Variants in CDIN1 observed in about 807,000 individuals in gnomAD.
CDIN1 encodes the protein CDAN1-interacting nuclease 1.
Under a neutral mutation model 45.3 loss-of-function variants are expected in CDIN1, and 33 were observed. That is an observed-to-expected ratio of 0.73 (90% CI 0.55 to 0.97). CDIN1 has a LOEUF of 0.97. CDIN1 is among the 50% of genes least tolerant of loss of function. The pLI, the probability that CDIN1 is intolerant of heterozygous loss-of-function variation, is 0.00. For missense variants in CDIN1, 303 were observed against 339.4 expected (o/e 0.89, Z 0.84); for synonymous variants, 118 against 124.4 (o/e 0.95, Z 0.34).
At position 36,735,618 on chromosome 15, in the gene CDIN1, C is replaced by T. The variant is rs537840670; in HGVS notation, c.716+25657C>T. Among the ~76,000 whole-genome samples, 14 of 152,080 alleles carry T rather than the reference C, an allele frequency of 9.2e-5. No homozygotes were observed. In the East Asian group the frequency reaches 2.1e-3, roughly 23 times the overall value. On this transcript the variant is annotated intron_variant, in intron 10 of 10. Transcript: ENST00000566621. ...TTAAAAACTGTATATAGTCTTATTGCACTTTTAAAATTTAAAGTTGATCTT... is the reference window on the plus strand; with the variant it reads ...TTAAAAACTGTATATAGTCTTATTGTACTTTTAAAATTTAAAGTTGATCTT...
In CDIN1 at chr15:36,614,091, C is replaced by T. The variant is rs749261760; in HGVS notation, c.102-30187C>T. The stretch of plus-strand genomic sequence containing the variant: ...ACCTGTGCTGAGTTTGCTGAGAGAT[C>T]GGTAGCCAAGCTGGAAATGACTTGG... On this transcript the variant is annotated intron_variant, in intron 1 of 10. Coordinates refer to ENST00000566621, the MANE Select transcript of CDIN1 (RefSeq NM_001321759.2). 4 of 839,244 alleles carry T rather than the reference C, an allele frequency of 4.8e-6. No individual in the cohort carries two copies. In the African/African-American group the frequency reaches 5.0e-5, roughly 10 times the overall value. The allele number at this position is 839,244 out of a possible 1,614,324, so 52.0% of individuals were successfully genotyped here. A position where few individuals can be genotyped will look rare whatever the true frequency, so the allele number is the denominator to read the frequency against.
Position 36,810,124 on chromosome 15 carries a change from A to C in CDIN1, c.*1671A>C. On this transcript the variant is annotated 3_prime_UTR_variant, in exon 11 of 11. Coordinates refer to ENST00000566621, the MANE Select transcript of CDIN1 (RefSeq NM_001321759.2). ...TCTAAACTGTTTTTTCTTTAGGAATAAATTACATTTATCTGCACAGATGTT... is the reference window on the plus strand; with the variant it reads ...TCTAAACTGTTTTTTCTTTAGGAATCAATTACATTTATCTGCACAGATGTT... 6.6e-6 allele frequency: 1 copy of C among 152,224 alleles called. No individual in the cohort carries two copies. The highest frequency in any genetic ancestry group is 1.5e-5 in the Non-Finnish European group (1 of 68,042). The allele number at this position is 152,224 out of a possible 1,614,324, so 9.4% of individuals were successfully genotyped here. A position where few individuals can be genotyped will look rare whatever the true frequency, so the allele number is the denominator to read the frequency against.
intron 5 of CDIN1, among the ~76,000 whole-genome samples, chr15:36,673,436 A>T (rs535286694): frequency 6.6e-6 from 1 of 152,132 alleles, no homozygotes; most frequent in South Asian, 2.1e-4. Context: ...TTAATAAACA[A>T]ATTTGCTCAG....
intron 7 of CDIN1, among the ~76,000 whole-genome samples, chr15:36,696,127 G>A (rs2042416495): frequency 6.6e-6 from 1 of 152,084 alleles, no homozygotes; most frequent in Non-Finnish European, 1.5e-5. Context: ...AATAAGGATT[G>A]TAATTATGAG....
chr15:36,603,525 G>C (rs2038212654), intron 1 of CDIN1, among the ~76,000 whole-genome samples: 2 of 152,174 alleles, frequency 1.3e-5, no homozygotes, highest in South Asian at 2.1e-4. Context: ...TGGTGGTAGT[G>C]ATGGAGGGGG....
At chr15:36,664,506 G>C (rs754486827) in intron 5 of CDIN1, among the ~76,000 whole-genome samples, 5 of 152,136 alleles carry the variant, frequency 3.3e-5, no homozygotes, top group Non-Finnish European at 7.4e-5. Flanking sequence ...GCTCATTCTA[G>C]AGGGTAATGC....
At chr15:36,606,691 T>C (rs992793096) in intron 1 of CDIN1, among the ~76,000 whole-genome samples, 2 of 152,214 alleles carry the variant, frequency 1.3e-5, no homozygotes, top group African/African-American at 4.8e-5. Context: ...TTTCAATTCC[T>C]TAAAAGACTG....
At chr15:36,723,406 TATTG>T (rs1164206261) in intron 10 of CDIN1, among the ~76,000 whole-genome samples, 1 of 152,088 alleles carries the variant, frequency 6.6e-6, no homozygotes, top group African/African-American at 2.4e-5. Flanking sequence ...GAGTACTCCA[TATTG>T]ATTAAGAAGG....
chr15:36,629,248 G>A (rs1468026631), intron 1 of CDIN1, among the ~76,000 whole-genome samples: 2 of 152,176 alleles, frequency 1.3e-5, no homozygotes, highest in Non-Finnish European at 2.9e-5. Context: ...ACCATGGTAG[G>A]ATGTTTAGTA....
At chr15:36,594,701 C>T (rs911858721) in intron 1 of CDIN1, among the ~76,000 whole-genome samples, 8 of 152,090 alleles carry the variant, frequency 5.3e-5, no homozygotes, top group Admixed American at 2.0e-4. Context: ...TAAAAATGAG[C>T]TTAATCTTGA....
At chr15:36,801,973 G>C (rs1025728812) in intron 10 of CDIN1, among the ~76,000 whole-genome samples, 2 of 133,814 alleles carry the variant, frequency 1.5e-5, no homozygotes, top group African/African-American at 5.6e-5. Flanking sequence ...TCATATACTG[G>C]GGTTTTGATC....
chr15:36,710,092 G>T, intron 10 of CDIN1, 131 bp downstream of exon 10: 2 of 550,300 alleles, frequency 3.6e-6, no homozygotes. Flanking sequence ...TTTGATTAAT[G>T]TATTCATTTC....
At chr15:36,667,723 T>A (rs1437478352) in intron 5 of CDIN1, among the ~76,000 whole-genome samples, 3 of 152,304 alleles carry the variant, frequency 2.0e-5, no homozygotes, top group Non-Finnish European at 4.4e-5. Context: ...ACGAAGTTTT[T>A]CTTTTGTGCT....
Position 36,680,202 on chromosome 15 carries a change from C to T in CDIN1, c.347-11483C>T, listed in dbSNP as rs117503640. Among the ~76,000 whole-genome samples, 118 of 152,270 alleles carry T rather than the reference C, an allele frequency of 7.7e-4. 2 individuals are homozygous for T. In the East Asian group the frequency reaches 0.018, roughly 23 times the overall value. On this transcript the variant is annotated intron_variant, in intron 5 of 10. Transcript: ENST00000566621. ...GCTTCCCAGATGCCATAACAGTAGG[C>T]AGGTCCTTAGTAGTAGTTTAGGTGA...
At chr15:36,751,228 TTTATATATA>T (rs1288589490) in intron 10 of CDIN1, among the ~76,000 whole-genome samples, 13 of 65,894 alleles carry the variant, frequency 2.0e-4, no homozygotes, top group South Asian at 4.3e-4. Flanking sequence ...ATATGCTTAT[TTTATATATA>T]TATATATATA....
intron 10 of CDIN1, among the ~76,000 whole-genome samples, chr15:36,716,227 A>T (rs1201757259): frequency 6.6e-6 from 1 of 152,158 alleles, no homozygotes; most frequent in Admixed American, 6.6e-5. Flanking sequence ...CCAGGGGACC[A>T]GACAATTGTT....
chr15:36,700,354 T>C (rs1874769982), intron 8 of CDIN1, among the ~76,000 whole-genome samples: 1 of 152,148 alleles, frequency 6.6e-6, no homozygotes, highest in African/African-American at 2.4e-5. Context: ...CCAGTGAGAA[T>C]GCATCTCACT....
At chr15:36,722,150 A>G (rs1041115855) in intron 10 of CDIN1, among the ~76,000 whole-genome samples, 2 of 152,298 alleles carry the variant, frequency 1.3e-5, no homozygotes, top group Admixed American at 1.3e-4. Context: ...TGATTTTAAC[A>G]CATAGTTTAA....
At chr15:36,628,685 A>T (rs1011743562) in intron 1 of CDIN1, among the ~76,000 whole-genome samples, 3 of 152,154 alleles carry the variant, frequency 2.0e-5, no homozygotes, top group African/African-American at 7.2e-5. Context: ...TGTATCTGGC[A>T]TGTGGGTCAG....
Sources: gnomAD v4.1 joint callset for allele counts (sites outside exome capture counted in the v4.1 genomes callset) on GRCh38, gnomAD v4.1.1 for gene constraint, MANE v1.5 for transcripts, NCBI Gene and HGNC (gene_info 2026-07-23, HGNC 2026-07-21) for gene names.